The following PDPR variants were observed in gnomAD, a reference collection of about 807,000 sequenced individuals.
PDPR encodes the protein pyruvate dehydrogenase phosphatase regulatory subunit.
Under a neutral mutation model 102.2 loss-of-function variants are expected in PDPR, and 50 were observed. The ratio of observed to expected loss-of-function variants is 0.49; its 90% CI spans 0.39 to 0.62. The LOEUF is 0.62. Ranked by LOEUF, PDPR falls within the 20% of genes least tolerant of loss-of-function variation. PDPR has a pLI of 0.00. For synonymous variants in PDPR, 259 were observed against 406.0 expected (o/e 0.64, Z 4.35); for missense variants, 625 against 1,098.2 (o/e 0.57, Z 6.09).
chr16:70,153,322 G>C, intron 17 of PDPR, 69 bp from the exon 18 acceptor site: 2 of 1,476,518 alleles, frequency 1.4e-6, no homozygotes, highest in Non-Finnish European at 1.8e-6. Context: ...AGCCATCAGC[G>C]CTTCCAGACA....
intron 10 of PDPR, among the ~76,000 whole-genome samples, 158 bp downstream of exon 10, chr16:70,136,544 C>A (rs1597340940): frequency 6.6e-6 from 1 of 151,934 alleles, no homozygotes; most frequent in Non-Finnish European, 1.5e-5. Context: ...TTGTCCCCTT[C>A]TAAGTATGAG....
rs185333479 is a variant in PDPR at position 70,154,881 on chromosome 16, C to T, written c.2235+1308C>T. 3.7e-3 allele frequency among the ~76,000 whole-genome samples: 562 copies of T among 152,270 alleles called. 1 individual carries two copies. Among genetic ancestry groups the T allele is most frequent in the African/African-American group, 0.013 (521 of 41,510 alleles). ...CTCGAACTCCTGAGCTCAGGTGATC[C>T]GCCCTCCTCGGCCTCCCAGAGTGCT... On this transcript the variant is annotated intron_variant, in intron 18 of 18. Coordinates refer to ENST00000288050, the MANE Select transcript of PDPR (RefSeq NM_017990.5).
In PDPR at chr16:70,114,823, G is replaced by A. The variant is rs527633831; in HGVS notation, c.-140G>A. ...AGCCCGGTCCTCCATCCCTGCAGAT[G>A]GAACTGTTTTCCCGCGTTGAGACGT... On this transcript the variant is annotated splice_region_variant and 5_prime_UTR_variant, in exon 2 of 19. It removes an upstream start codon present in the reference 5' UTR. Transcript: ENST00000288050. 6.6e-6 allele frequency: 1 copy of A among 152,378 alleles called. No homozygotes were observed. The highest frequency in any genetic ancestry group is 1.9e-4 in the East Asian group (1 of 5,176). 9.4% of individuals were successfully genotyped at this position (152,378 alleles called of 1,614,324 possible). A position where few individuals can be genotyped will look rare whatever the true frequency, so the allele number is the denominator to read the frequency against.
At chr16:70,144,704 C>T (rs1328847343) in intron 15 of PDPR, among the ~76,000 whole-genome samples, 171 bp downstream of exon 15, 6 of 152,368 alleles carry the variant, frequency 3.9e-5, no homozygotes, top group East Asian at 1.9e-4. Flanking sequence ...CACCTGTAAT[C>T]CCAGCACTTT....
intron 15 of PDPR, among the ~76,000 whole-genome samples, chr16:70,145,114 A>C (rs1222561529): frequency 6.6e-6 from 1 of 151,768 alleles, no homozygotes; most frequent in Non-Finnish European, 1.5e-5. Context: ...TTAGCTGGAC[A>C]TGGTGGTGCA....
At chr16:70,153,675 A>G in intron 18 of PDPR, 102 bp downstream of exon 18, 2 of 1,268,872 alleles carry the variant, frequency 1.6e-6, no homozygotes, top group Non-Finnish European at 2.1e-6. Flanking sequence ...GGGGGAAAAG[A>G]TTGAGGCCTT....
At position 70,156,542 on chromosome 16, in the gene PDPR, C is replaced by T. The variant is rs766382704; in HGVS notation, c.2303C>T (p.Thr768Ile). 1.9e-6 allele frequency: 3 copies of T among 1,613,954 alleles called. No individual in the cohort carries two copies. Among genetic ancestry groups the T allele is most frequent in the South Asian group, 2.2e-5 (2 of 91,092 alleles). ...CAGAATGGAGTGTATAAACGCCTCA[C>T]CATGTTCATCCTGGACGACCATGAT... ...QKQNGVYKRL[T>I]MFILDDHDSD... The change falls in exon 19 of 19, where the codon ACC becomes ATC. Residue 768 changes from threonine (T) to isoleucine (I), a missense_variant. Thr to Ile is a moderately conservative substitution (Grantham distance 89, BLOSUM62 -1). This residue lies in a region of PDPR where 303 missense variants were observed against 258.9 expected (regional missense o/e 1.17). Coordinates refer to ENST00000288050, the MANE Select transcript of PDPR (RefSeq NM_017990.5).
At chr16:70,124,021 C>A (rs1963645983) in intron 3 of PDPR, among the ~76,000 whole-genome samples, 2 of 151,882 alleles carry the variant, frequency 1.3e-5, no homozygotes, top group South Asian at 2.1e-4. Flanking sequence ...CACCATTGCA[C>A]CCCAGCCTGG....
At position 70,156,636 on chromosome 16, in the gene PDPR, C is replaced by T. The variant is rs1967237726; in HGVS notation, c.2397C>T (p.Thr799=). 6.2e-7 allele frequency: 1 copy of T among 1,614,098 alleles called. No homozygotes were observed. The highest frequency in any genetic ancestry group is 8.5e-7 in the Non-Finnish European group (1 of 1,179,914). The change falls in exon 19 of 19, where the codon ACC becomes ACT. Residue 799 remains threonine (T), a synonymous_variant. Coordinates refer to ENST00000288050, the MANE Select transcript of PDPR (RefSeq NM_017990.5). ...GGAATGGGCAGTATGTTGGCAAGAC[C>T]ACCAGCAGTGCCTACAGCTACAGCC... ...IYRNGQYVGK[T]TSSAYSYSLE... is the part of the protein sequence containing the mutation.
intron 4 of PDPR, among the ~76,000 whole-genome samples, chr16:70,128,477 C>T (rs375000352): frequency 6.6e-6 from 1 of 152,260 alleles, no homozygotes; most frequent in Non-Finnish European, 1.5e-5. Flanking sequence ...ATCCGCCCCC[C>T]TCAGCCTCCC....
chr16:70,152,698 A>G (rs914405764), intron 17 of PDPR, among the ~76,000 whole-genome samples: 14 of 152,292 alleles, frequency 9.2e-5, no homozygotes, highest in Non-Finnish European at 7.3e-5. Context: ...TTAAAAGCAA[A>G]CAGTGTAGTC....
At chr16:70,125,134 T>C (rs1310809560) in intron 3 of PDPR, among the ~76,000 whole-genome samples, 1 of 152,232 alleles carries the variant, frequency 6.6e-6, no homozygotes, top group Non-Finnish European at 1.5e-5. Flanking sequence ...CCCAGCACTT[T>C]GGGAGGCTGA....
intron 4 of PDPR, 26 bp downstream of exon 4, chr16:70,127,419 C>G: frequency 6.2e-7 from 1 of 1,601,788 alleles, no homozygotes; most frequent in African/African-American, 1.3e-5. Flanking sequence ...CCATTTATTG[C>G]TTTGCCTGTC....
At chr16:70,135,785 C>G (rs59116576) in intron 9 of PDPR, among the ~76,000 whole-genome samples, 7,380 of 150,876 alleles carry the variant, frequency 0.049, 199 homozygotes, top group African/African-American at 0.17. Flanking sequence ...AAATCTCTTC[C>G]AGCCGGACGC....
At chr16:70,127,910 G>A (rs1485440951) in intron 4 of PDPR, among the ~76,000 whole-genome samples, 4 of 151,384 alleles carry the variant, frequency 2.6e-5, no homozygotes, top group African/African-American at 9.8e-5. Context: ...GGACTGCACC[G>A]CAGGCAGTCC....
At chr16:70,155,347 T>A (rs1411048699) in intron 18 of PDPR, among the ~76,000 whole-genome samples, 2 of 152,244 alleles carry the variant, frequency 1.3e-5, no homozygotes, top group African/African-American at 4.8e-5. Flanking sequence ...AGTGGCGCGA[T>A]CTCAGCTCAC....
At chr16:70,119,355 CAAAGA>C (rs1962987892) in intron 2 of PDPR, among the ~76,000 whole-genome samples, 1 of 151,816 alleles carries the variant, frequency 6.6e-6, no homozygotes, top group Admixed American at 6.6e-5. Context: ...CCAAAAAAAA[CAAAGA>C]AAAGAAAAAC....
At chr16:70,144,070 T>G (rs1458764825) in intron 14 of PDPR, among the ~76,000 whole-genome samples, 1 of 152,098 alleles carries the variant, frequency 6.6e-6, no homozygotes, top group Non-Finnish European at 1.5e-5. Context: ...TTTTGTATAT[T>G]TTGTAGAGAT....
chr16:70,134,267 C>T (rs1246738801), intron 9 of PDPR, among the ~76,000 whole-genome samples: 1 of 151,962 alleles, frequency 6.6e-6, no homozygotes, highest in African/African-American at 2.4e-5. Context: ...GCTCTGTTGC[C>T]CAGGCTGGAG....
Sources: allele counts gnomAD v4.1 joint callset (sites outside exome capture counted in the v4.1 genomes callset), GRCh38; gene constraint gnomAD v4.1.1; regional missense constraint gnomAD v4.1.1; transcripts MANE v1.5; gene names NCBI Gene and HGNC (gene_info 2026-07-23, HGNC 2026-07-21).